Variants in FHOD3 observed in about 807,000 individuals in gnomAD.
The protein encoded by FHOD3 is formin homology 2 domain containing 3.
FHOD3 carries 90 observed loss-of-function variants against 173.0 expected under a neutral mutation model. The ratio of observed to expected loss-of-function variants is 0.52; its 90% CI spans 0.44 to 0.62. The LOEUF is 0.62. Among genes scored for constraint, FHOD3 ranks in the 20% least tolerant of loss-of-function variants. FHOD3 has a pLI of 0.00. For synonymous variants in FHOD3, 828 were observed against 823.0 expected (o/e 1.01, Z -0.10); for missense variants, 1,945 against 2,034.7 (o/e 0.96, Z 0.85).
chr18:36,699,764 CT>C (rs2039479378), intron 17 of FHOD3, among the ~76,000 whole-genome samples: 1 of 152,162 alleles, frequency 6.6e-6, no homozygotes, highest in Non-Finnish European at 1.5e-5. Context: ...CTGAAATACA[CT>C]TTTTCAGGAG....
intron 1 of FHOD3, among the ~76,000 whole-genome samples, chr18:36,343,948 A>C (rs2045758372): frequency 6.6e-6 from 1 of 152,198 alleles, no homozygotes; most frequent in Non-Finnish European, 1.5e-5. Context: ...ATGAGGAGTG[A>C]CTGCTAATGG....
intron 5 of FHOD3, among the ~76,000 whole-genome samples, chr18:36,519,460 A>T (rs1413435062): frequency 1.3e-5 from 2 of 152,034 alleles, no homozygotes; most frequent in South Asian, 2.1e-4. Context: ...TCCATGTCTC[A>T]TTGGTCATTT....
intron 3 of FHOD3, among the ~76,000 whole-genome samples, chr18:36,485,922 C>CT (rs1234667340): frequency 5.9e-5 from 9 of 152,182 alleles, no homozygotes; most frequent in Non-Finnish European, 1.5e-5. Flanking sequence ...CTGCACCTGC[C>CT]TTTATTCACG....
chr18:36,315,596 A>T (rs887396084), intron 1 of FHOD3, among the ~76,000 whole-genome samples: 2 of 152,166 alleles, frequency 1.3e-5, no homozygotes, highest in Admixed American at 6.5e-5. Context: ...TGCTTGTAAC[A>T]TTAGAGTTTG....
intron 11 of FHOD3, among the ~76,000 whole-genome samples, chr18:36,651,748 C>T (rs964174709): frequency 1.6e-5 from 2 of 128,282 alleles, no homozygotes; most frequent in African/African-American, 3.3e-5. Context: ...AAAAACTCTG[C>T]TCAAAAAAAA....
At chr18:36,693,526 C>T in intron 17 of FHOD3, 103 bp downstream of exon 17, 1 of 1,038,070 alleles carries the variant, frequency 9.6e-7, no homozygotes, top group South Asian at 1.5e-5. Context: ...ACTGAGACAG[C>T]AACTATGGGT....
chr18:36,756,362 C>G (rs2042634622), intron 25 of FHOD3, among the ~76,000 whole-genome samples: 1 of 152,108 alleles, frequency 6.6e-6, no homozygotes, highest in African/African-American at 2.4e-5. Flanking sequence ...CCATGGATTT[C>G]TCCCATCTGT....
intron 5 of FHOD3, among the ~76,000 whole-genome samples, chr18:36,546,280 T>G (rs1294164805): frequency 6.6e-6 from 1 of 152,200 alleles, no homozygotes; most frequent in African/African-American, 2.4e-5. Context: ...CTAAGGTACT[T>G]AATGGCACCT....
chr18:36,456,114 T>C (rs2052195433), intron 3 of FHOD3, among the ~76,000 whole-genome samples: 1 of 152,138 alleles, frequency 6.6e-6, no homozygotes, highest in Non-Finnish European at 1.5e-5. Context: ...CTTCTGTTCC[T>C]TTGAACTTCT....
chr18:36,587,529 C>T (rs761231283), intron 6 of FHOD3, among the ~76,000 whole-genome samples: 2 of 152,288 alleles, frequency 1.3e-5, no homozygotes, highest in Non-Finnish European at 2.9e-5. Flanking sequence ...CGGTGGCTCA[C>T]GCCTGTAATC....
At chr18:36,526,654 C>T (rs552785420) in intron 5 of FHOD3, among the ~76,000 whole-genome samples, 33 of 152,320 alleles carry the variant, frequency 2.2e-4, no homozygotes, top group Middle Eastern at 3.4e-3. Context: ...CCACCTGCCT[C>T]AGCCTCCCGA....
chr18:36,597,354 G>A (rs1364085666), intron 7 of FHOD3, among the ~76,000 whole-genome samples: 6 of 152,068 alleles, frequency 3.9e-5, no homozygotes, highest in Admixed American at 3.3e-4. Flanking sequence ...TTCCTGATTA[G>A]TAAAAATAAT....
intron 10 of FHOD3, among the ~76,000 whole-genome samples, chr18:36,638,408 C>G (rs2035041893): frequency 6.6e-6 from 1 of 152,152 alleles, no homozygotes. Flanking sequence ...CAGACCAGGT[C>G]CTGCAGGGCC....
At chr18:36,313,475 C>A (rs1299808759) in intron 1 of FHOD3, among the ~76,000 whole-genome samples, 1 of 152,160 alleles carries the variant, frequency 6.6e-6, no homozygotes, top group Non-Finnish European at 1.5e-5. Flanking sequence ...GATCTGTTTT[C>A]TTTCCCTGTA....
intron 16 of FHOD3, among the ~76,000 whole-genome samples, chr18:36,691,071 C>G (rs2149483347): frequency 6.6e-6 from 1 of 152,280 alleles, no homozygotes; most frequent in South Asian, 2.1e-4. Flanking sequence ...CAAATATATA[C>G]AGGCTCTGGG....
chr18:36,506,292 CA>C (rs1181041633), intron 4 of FHOD3, among the ~76,000 whole-genome samples: 27 of 152,272 alleles, frequency 1.8e-4, no homozygotes, highest in Admixed American at 1.7e-3. Flanking sequence ...ATGCTAGCAG[CA>C]GTGAAGTTTT....
At chr18:36,484,924 C>T (rs988548190) in intron 3 of FHOD3, among the ~76,000 whole-genome samples, 4 of 152,126 alleles carry the variant, frequency 2.6e-5, no homozygotes, top group African/African-American at 9.7e-5. Flanking sequence ...GTTACTGTGC[C>T]CCCCACCCTC....
rs555006932 is a variant in FHOD3, at chr18:36,551,072, A to C, written c.512-25379A>C. On this transcript the variant is annotated intron_variant, in intron 5 of 28. Coordinates refer to ENST00000590592, the MANE Select transcript of FHOD3 (RefSeq NM_001281740.3). Reference sequence around the variant, plus strand: ...GGGGTTTTTGAGATGTCCTTTATCAAGTTGAGGAAGTTTCCTTTTATTTCT... The same window carrying C: ...GGGGTTTTTGAGATGTCCTTTATCACGTTGAGGAAGTTTCCTTTTATTTCT... Among the ~76,000 whole-genome samples the C allele has an allele frequency of 9.8e-5, 15 of 152,312 alleles. No individual in the cohort carries two copies. In the South Asian group the frequency reaches 2.5e-3, roughly 25 times the overall value.
At chr18:36,298,613 G>A (rs1355473036) in intron 1 of FHOD3, among the ~76,000 whole-genome samples, 1 of 152,170 alleles carries the variant, frequency 6.6e-6, no homozygotes, top group East Asian at 1.9e-4. Flanking sequence ...CTGAGAAGCA[G>A]GTGGCCTTGG....
Sources: allele counts gnomAD v4.1 joint callset (sites outside exome capture counted in the v4.1 genomes callset), GRCh38; gene constraint gnomAD v4.1.1; transcripts MANE v1.5; gene names NCBI Gene and HGNC (gene_info 2026-07-23, HGNC 2026-07-21).